The following AGBL4 variants were observed in gnomAD, a reference collection of about 807,000 sequenced individuals.
AGBL4 encodes cytosolic carboxypeptidase 6.
AGBL4 carries 58 observed loss-of-function variants against 66.4 expected under a neutral mutation model. That is an observed-to-expected ratio of 0.87 (90% confidence interval 0.71 to 1.09). The LOEUF is 1.09. Ranked by LOEUF, AGBL4 falls within the 50% of genes least tolerant of loss-of-function variation. AGBL4 has a pLI of 0.00. For synonymous variants in AGBL4, 234 were observed against 222.9 expected, an observed-to-expected ratio of 1.05 and a Z score of -0.44; for missense variants, 579 against 631.0, an observed-to-expected ratio of 0.92 and a Z score of 0.88.
At chr1:49,742,259 A>C (rs1236272903) in intron 2 of AGBL4, among the ~76,000 whole-genome samples, 6 of 150,666 alleles carry the variant, frequency 4.0e-5, no homozygotes, top group Non-Finnish European at 8.9e-5. Context: ...CACCAATAAC[A>C]GACAAACAGA....
At chr1:49,911,618 G>A (rs554217052) in intron 1 of AGBL4, among the ~76,000 whole-genome samples, 2 of 152,248 alleles carry the variant, frequency 1.3e-5, no homozygotes, top group East Asian at 3.9e-4. Context: ...GAAACCCCTA[G>A]TGGAGCCCAA....
At chr1:48,767,688 C>T (rs1013700433) in intron 6 of AGBL4, among the ~76,000 whole-genome samples, 1 of 152,216 alleles carries the variant, frequency 6.6e-6, no homozygotes, top group African/African-American at 2.4e-5. Context: ...AAGCTCTTTA[C>T]TCAGCCGGTC....
intron 3 of AGBL4, among the ~76,000 whole-genome samples, chr1:49,248,307 G>A (rs1435137903): frequency 1.3e-5 from 2 of 152,132 alleles, no homozygotes; most frequent in Non-Finnish European, 2.9e-5. Context: ...TAACCTAATT[G>A]TAAATTAGAA....
chr1:48,740,357 T>C (rs992965762), intron 6 of AGBL4, among the ~76,000 whole-genome samples: 10 of 152,198 alleles, frequency 6.6e-5, no homozygotes, highest in Non-Finnish European at 1.5e-4. Flanking sequence ...TCTAACCTGT[T>C]ATGTAATTAT....
intron 6 of AGBL4, among the ~76,000 whole-genome samples, chr1:48,751,733 A>G (rs1651768679): frequency 6.6e-6 from 1 of 152,186 alleles, no homozygotes; most frequent in South Asian, 2.1e-4. Flanking sequence ...GACAATGGGG[A>G]AAAGCCTAAC....
chr1:49,827,227 G>C (rs1645534201), intron 2 of AGBL4, among the ~76,000 whole-genome samples: 1 of 151,944 alleles, frequency 6.6e-6, no homozygotes, highest in Admixed American at 6.6e-5. Flanking sequence ...TGAAATTTCA[G>C]GGAGCTGGGG....
At chr1:48,547,950 G>C (rs1476211451) in intron 11 of AGBL4, among the ~76,000 whole-genome samples, 3 of 152,068 alleles carry the variant, frequency 2.0e-5, no homozygotes, top group Non-Finnish European at 4.4e-5. Context: ...CAGTTAACAT[G>C]GTACATTGAA....
chr1:48,545,546 T>C (rs1013297029), intron 11 of AGBL4, among the ~76,000 whole-genome samples: 7 of 152,164 alleles, frequency 4.6e-5, no homozygotes, highest in East Asian at 1.9e-4. Context: ...GTAGAATTAA[T>C]AGATAAAAAA....
intron 5 of AGBL4, among the ~76,000 whole-genome samples, chr1:48,969,176 C>T (rs1375101015): frequency 6.8e-6 from 1 of 146,660 alleles, no homozygotes; most frequent in East Asian, 2.2e-4. Flanking sequence ...AGGAACTTTC[C>T]ATATGTTTGG....
At chr1:49,488,691 C>T (rs1312808397) in intron 3 of AGBL4, among the ~76,000 whole-genome samples, 1 of 151,768 alleles carries the variant, frequency 6.6e-6, no homozygotes, top group Non-Finnish European at 1.5e-5. Flanking sequence ...ACATCCCACC[C>T]CTCCCACTAT....
At chr1:49,845,513 G>T (rs1253010628) in intron 2 of AGBL4, 1 of 1,578,752 alleles carries the variant, frequency 6.3e-7, no homozygotes, top group African/African-American at 1.3e-5. Context: ...GGTGAGTGTG[G>T]CAAGGCCTTG....
At chr1:49,060,866 TGA>T (rs1241643593) in intron 4 of AGBL4, among the ~76,000 whole-genome samples, 4 of 152,092 alleles carry the variant, frequency 2.6e-5, no homozygotes, top group Admixed American at 1.3e-4. Flanking sequence ...GAGTAGATCA[TGA>T]GAGTAGCTTC....
intron 3 of AGBL4, among the ~76,000 whole-genome samples, chr1:49,309,785 T>C (rs553139558): frequency 4.6e-5 from 7 of 152,288 alleles, no homozygotes; most frequent in South Asian, 4.1e-4. Flanking sequence ...AATTTCACTA[T>C]TATTTAGTTT....
intron 3 of AGBL4, among the ~76,000 whole-genome samples, chr1:49,596,760 A>G (rs184513922): frequency 1.8e-3 from 270 of 152,346 alleles, no homozygotes; most frequent in Non-Finnish European, 3.1e-3. Flanking sequence ...TAGGGTATCA[A>G]TGATCACATT....
chr1:49,430,666 A>C (rs952010359), intron 3 of AGBL4, among the ~76,000 whole-genome samples: 4 of 152,184 alleles, frequency 2.6e-5, no homozygotes, highest in African/African-American at 9.6e-5. Flanking sequence ...ACAGAAAAGT[A>C]CGTGTATCAT....
At chr1:49,077,469 C>T (rs1045485696) in intron 4 of AGBL4, among the ~76,000 whole-genome samples, 2 of 152,052 alleles carry the variant, frequency 1.3e-5, no homozygotes, top group East Asian at 1.9e-4. Flanking sequence ...ATCATACCTA[C>T]TATAAAAATG....
intron 3 of AGBL4, among the ~76,000 whole-genome samples, chr1:49,648,143 A>T (rs1645928233): frequency 6.6e-6 from 1 of 152,148 alleles, no homozygotes; most frequent in Admixed American, 6.6e-5. Flanking sequence ...ACAGATGGGC[A>T]ATACAGGCAG....
At chr1:49,918,987 T>C (rs891339639) in intron 1 of AGBL4, among the ~76,000 whole-genome samples, 3 of 152,128 alleles carry the variant, frequency 2.0e-5, no homozygotes, top group Non-Finnish European at 4.4e-5. Context: ...AAAAACCACA[T>C]GATTATCTCA....
downstream of AGBL4, among the ~76,000 whole-genome samples, chr1:48,530,820 C>G (rs924944114): frequency 6.6e-6 from 1 of 152,198 alleles, no homozygotes; most frequent in South Asian, 2.1e-4. Flanking sequence ...TTGTCTGTCT[C>G]CTTGGAAATG....
Sources: allele counts gnomAD v4.1 joint callset (sites outside exome capture counted in the v4.1 genomes callset), GRCh38; gene constraint gnomAD v4.1.1; transcripts MANE v1.5; gene names NCBI Gene and HGNC (gene_info 2026-07-23, HGNC 2026-07-21).